WDR7: variants seen among roughly 807,000 people sequenced by gnomAD.
WDR7 encodes WD repeat domain 7, also known as WD repeat-containing protein 7.
A neutral mutation model predicts 169.4 loss-of-function variants in WDR7; 46 were observed. The observed-to-expected ratio is 0.27, with a 90% CI of 0.21 to 0.35. The LOEUF is 0.35. WDR7 is among the 10% of genes least tolerant of loss of function. WDR7 has a pLI of 1.00. For synonymous variants in WDR7, 612 were observed against 666.8 expected (o/e 0.92, Z 1.27); for missense variants, 1,534 against 1,859.3 (o/e 0.83, Z 3.22).
chr18:56,997,172 A>G (rs186351072), intron 26 of WDR7, among the ~76,000 whole-genome samples: 12 of 152,356 alleles, frequency 7.9e-5, no homozygotes, highest in African/African-American at 2.2e-4. Flanking sequence ...TTCAGAGGAA[A>G]GGAAGCAATT....
At chr18:56,937,448 G>A (rs547860557) in intron 23 of WDR7, among the ~76,000 whole-genome samples, 1 of 152,200 alleles carries the variant, frequency 6.6e-6, no homozygotes, top group East Asian at 1.9e-4. Context: ...TTCAATCTTA[G>A]AGTATTAGAG....
intron 26 of WDR7, among the ~76,000 whole-genome samples, chr18:57,007,678 A>G (rs2048083310): frequency 6.6e-6 from 1 of 152,188 alleles, no homozygotes; most frequent in South Asian, 2.1e-4. Flanking sequence ...TACATTGGGA[A>G]CAACCTTGAA....
At position 56,955,299 on chromosome 18, in the gene WDR7, A is replaced by G. The variant is rs570975071; in HGVS notation, c.4065-7131A>G. Among the ~76,000 whole-genome samples, 4 of 152,248 alleles carry G rather than the reference A, an allele frequency of 2.6e-5. No homozygotes were observed. The South Asian group carries it at 8.3e-4, about 32-fold the overall frequency. ...AGACAGGTGGCTGTCTTTTAATGCT[A>G]AAGTTCTTCATATTAAAACAAAAAA... On this transcript the variant is annotated intron_variant, in intron 25 of 27. Coordinates refer to ENST00000254442, the MANE Select transcript of WDR7 (RefSeq NM_015285.3).
intron 20 of WDR7, among the ~76,000 whole-genome samples, chr18:56,820,359 A>AAAAAACAAAAAAAAAAAC (rs1555695958): frequency 7.8e-6 from 1 of 127,464 alleles, no homozygotes; most frequent in African/African-American, 3.5e-5. Context: ...AAAAAAAAAA[A>AAAAAACAAAAAAAAAAAC]AAAAACCACC....
intron 2 of WDR7, among the ~76,000 whole-genome samples, chr18:56,675,932 G>C (rs1362817554): frequency 6.6e-6 from 1 of 152,028 alleles, no homozygotes; most frequent in Non-Finnish European, 1.5e-5. Context: ...TGATCCTCCT[G>C]CTTCATCCTC....
At chr18:57,017,974 T>C (rs1002895367) in intron 26 of WDR7, among the ~76,000 whole-genome samples, 3 of 152,224 alleles carry the variant, frequency 2.0e-5, no homozygotes, top group Admixed American at 6.5e-5. Context: ...GGAGCAAATA[T>C]GGTCCCAGTG....
intron 13 of WDR7, among the ~76,000 whole-genome samples, chr18:56,722,775 A>G (rs902670015): frequency 1.3e-5 from 2 of 152,076 alleles, no homozygotes; most frequent in South Asian, 4.1e-4. Context: ...CATGCAATTA[A>G]TCACTAAGTC....
At chr18:56,736,607 C>T (rs908324197) in intron 14 of WDR7, among the ~76,000 whole-genome samples, 1 of 151,076 alleles carries the variant, frequency 6.6e-6, no homozygotes, top group Admixed American at 6.6e-5. Flanking sequence ...AAAAGGTCTA[C>T]AGTTTGTCAG....
intron 12 of WDR7, among the ~76,000 whole-genome samples, chr18:56,701,917 C>G (rs2025842631): frequency 6.6e-6 from 1 of 152,142 alleles, no homozygotes. Context: ...TGCTTCAGAA[C>G]TATAGAATAT....
chr18:56,655,497 G>C (rs2024746964), intron 1 of WDR7, among the ~76,000 whole-genome samples: 1 of 152,004 alleles, frequency 6.6e-6, no homozygotes, highest in Non-Finnish European at 1.5e-5. Context: ...GTGCATGCCT[G>C]TAGTCCCAGC....
chr18:56,856,465 T>G (rs1203633385), intron 20 of WDR7, among the ~76,000 whole-genome samples: 2 of 152,204 alleles, frequency 1.3e-5, no homozygotes, highest in Admixed American at 1.3e-4. Context: ...ACTGGGGAAG[T>G]GGAGGTTGCA....
chr18:56,895,393 G>C (rs140831881), intron 21 of WDR7, among the ~76,000 whole-genome samples: 2,131 of 151,840 alleles, frequency 0.014, 32 homozygotes, highest in East Asian at 0.037. Flanking sequence ...TGTCATAGGA[G>C]GAATGCAGAT....
chr18:56,980,102 G>A (rs1364390234), intron 26 of WDR7, among the ~76,000 whole-genome samples: 1 of 152,158 alleles, frequency 6.6e-6, no homozygotes, highest in Non-Finnish European at 1.5e-5. Context: ...TAGGGACTCA[G>A]GTTAGGCTCT....
chr18:56,832,034 G>C (rs998722325), intron 20 of WDR7, among the ~76,000 whole-genome samples: 1 of 152,156 alleles, frequency 6.6e-6, no homozygotes, highest in South Asian at 2.1e-4. Context: ...AGGGAGCCGA[G>C]TGATCTTGCT....
At chr18:56,852,610 A>C (rs751516921) in intron 20 of WDR7, among the ~76,000 whole-genome samples, 27 of 152,176 alleles carry the variant, frequency 1.8e-4, no homozygotes, top group Non-Finnish European at 3.7e-4. Flanking sequence ...ATTAATTTTC[A>C]TATTGTCAGA....
chr18:57,016,626 A>G (rs1002148617), intron 26 of WDR7, among the ~76,000 whole-genome samples: 9 of 152,230 alleles, frequency 5.9e-5, no homozygotes, highest in African/African-American at 2.2e-4. Context: ...ATCATTTTAG[A>G]AATTCTCATT....
At chr18:56,764,769 T>C (rs894881927) in intron 16 of WDR7, among the ~76,000 whole-genome samples, 3 of 152,134 alleles carry the variant, frequency 2.0e-5, no homozygotes, top group African/African-American at 7.2e-5. Flanking sequence ...TCAGGTCAAG[T>C]TGCCCGTGTT....
chr18:56,793,792 A>T (rs117555841), intron 19 of WDR7, among the ~76,000 whole-genome samples: 5 of 152,344 alleles, frequency 3.3e-5, no homozygotes, highest in Admixed American at 1.3e-4. Flanking sequence ...TTGGCCAGAA[A>T]ACATTTAAAT....
chr18:56,767,186 G>T (rs1335819652), intron 16 of WDR7, among the ~76,000 whole-genome samples: 1 of 152,144 alleles, frequency 6.6e-6, no homozygotes, highest in Non-Finnish European at 1.5e-5. Context: ...TTTCCATTTA[G>T]GCTGTTGGGA....
Sources: allele counts gnomAD v4.1 joint callset (sites outside exome capture counted in the v4.1 genomes callset), GRCh38; gene constraint gnomAD v4.1.1; transcripts MANE v1.5; gene names NCBI Gene and HGNC (gene_info 2026-07-23, HGNC 2026-07-21).